The following WWOX variants were observed in gnomAD, a reference collection of about 807,000 sequenced individuals.
WWOX encodes WW domain-containing oxidoreductase.
Under a neutral mutation model 46.2 loss-of-function variants are expected in WWOX, and 69 were observed. The ratio of observed to expected loss-of-function variants is 1.49; its 90% CI spans 1.23 to 1.82. WWOX has a LOEUF of 1.82. WWOX is among the 40% of genes most tolerant of loss of function. WWOX has a pLI of 0.00. For synonymous variants in WWOX, 359 were observed against 202.6 expected (o/e 1.77, Z -6.56); for missense variants, 919 against 542.6 (o/e 1.69, Z -6.89).
chr16:78,676,435 C>G (rs1056313925), intron 8 of WWOX, among the ~76,000 whole-genome samples: 69 of 149,192 alleles, frequency 4.6e-4, no homozygotes, highest in African/African-American at 1.7e-3. Flanking sequence ...CTGGGAGTTC[C>G]TGTTGCAGAA....
In WWOX at chr16:78,206,376, T is replaced by C. The variant is rs369283516; in HGVS notation, c.516+42087T>C. ...CATTAGAAAGGAGGAGGAGAAGAAT[T>C]AGAAGGAAAAAAAAGGTAAAGGTAA... On this transcript the variant is annotated intron_variant, in intron 5 of 8. Coordinates refer to ENST00000566780, the MANE Select transcript of WWOX (RefSeq NM_016373.4). 9.9e-5 allele frequency among the ~76,000 whole-genome samples: 15 copies of C among 152,076 alleles called. No homozygotes were observed. In the East Asian group the frequency reaches 1.5e-3, roughly 16 times the overall value.
At chr16:78,250,620 A>G (rs1229926516) in intron 5 of WWOX, among the ~76,000 whole-genome samples, 1 of 152,206 alleles carries the variant, frequency 6.6e-6, no homozygotes, top group East Asian at 1.9e-4. Flanking sequence ...GAAGACACTC[A>G]GAGCCAACAG....
intron 5 of WWOX, among the ~76,000 whole-genome samples, chr16:78,332,345 G>A (rs1437806815): frequency 1.3e-5 from 2 of 152,162 alleles, no homozygotes; most frequent in African/African-American, 4.8e-5. Flanking sequence ...ACACCCCAGT[G>A]GATTATGAGT....
chr16:78,402,550 C>T lies in WWOX; in HGVS notation c.605+15602C>T, dbSNP rs374953182. On this transcript the variant is annotated intron_variant, in intron 6 of 8. Transcript: ENST00000566780. Reference sequence around the variant, plus strand: ...AAATTGGGGGCTTCAGCACTTCCCCCAAGCTCAACACCAACCCCCTTTCTG... The same window carrying T: ...AAATTGGGGGCTTCAGCACTTCCCCTAAGCTCAACACCAACCCCCTTTCTG... 3.3e-5 allele frequency among the ~76,000 whole-genome samples: 5 copies of T among 152,228 alleles called. No homozygotes were observed. In the East Asian group the frequency reaches 9.7e-4, roughly 29 times the overall value.
At chr16:78,655,509 C>T (rs1479197850) in intron 8 of WWOX, among the ~76,000 whole-genome samples, 1 of 152,144 alleles carries the variant, frequency 6.6e-6, no homozygotes, top group African/African-American at 2.4e-5. Context: ...CAAAAGATCT[C>T]TTGACAGGAA....
chr16:78,927,519 A>C (rs185475226), intron 8 of WWOX, among the ~76,000 whole-genome samples: 31 of 152,302 alleles, frequency 2.0e-4, no homozygotes, highest in African/African-American at 7.0e-4. Flanking sequence ...GCAGGTAGGC[A>C]CTCAATAGAT....
At chr16:78,324,144 G>T (rs868366469) in intron 5 of WWOX, among the ~76,000 whole-genome samples, 9 of 151,956 alleles carry the variant, frequency 5.9e-5, no homozygotes, top group African/African-American at 1.9e-4. Context: ...TTCCAAGACC[G>T]TGGCCTTTGT....
At chr16:78,732,114 G>GT (rs1567522327) in intron 8 of WWOX, among the ~76,000 whole-genome samples, 1 of 151,990 alleles carries the variant, frequency 6.6e-6, no homozygotes, top group East Asian at 1.9e-4. Flanking sequence ...TCCTCCTGCC[G>GT]TGGTCTCCAA....
intron 8 of WWOX, among the ~76,000 whole-genome samples, chr16:79,081,110 C>A (rs571655024): frequency 6.6e-6 from 1 of 152,040 alleles, no homozygotes; most frequent in Non-Finnish European, 1.5e-5. Context: ...TGTTTCCATC[C>A]CCTGTGTGGA....
intron 8 of WWOX, among the ~76,000 whole-genome samples, chr16:79,133,037 G>C (rs1001619669): frequency 6.6e-6 from 1 of 152,156 alleles, no homozygotes; most frequent in Admixed American, 6.6e-5. Flanking sequence ...TTCTGGCTTT[G>C]CATGAAGCTT....
intron 6 of WWOX, among the ~76,000 whole-genome samples, chr16:78,403,290 G>C (rs752103058): frequency 6.6e-6 from 1 of 152,154 alleles, no homozygotes; most frequent in Non-Finnish European, 1.5e-5. Flanking sequence ...ACTGTATAAA[G>C]TGTATTTAAA....
rs150084888 is a variant in WWOX, at chr16:78,606,666, T to C, written c.1056+173914T>C. 1.4e-3 allele frequency among the ~76,000 whole-genome samples: 206 copies of C among 149,676 alleles called. 1 individual carries two copies. Among genetic ancestry groups the C allele is most frequent in the African/African-American group, 4.8e-3 (195 of 40,714 alleles). ...GAATATGTGAACACATCCAGACAAA[T>C]GTGAAGCCAGCCCGATTAGGACGAC... On this transcript the variant is annotated intron_variant, in intron 8 of 8. Coordinates refer to ENST00000566780, the MANE Select transcript of WWOX (RefSeq NM_016373.4).
chr16:78,387,010 A>G, intron 6 of WWOX, 62 bp downstream of exon 6: 6 of 1,505,230 alleles, frequency 4.0e-6, no homozygotes, highest in Non-Finnish European at 5.6e-6. Context: ...TCTTTATCAG[A>G]TGAACACAAT....
Position 78,722,698 on chromosome 16 carries a change from G to GTT in WWOX, c.1056+289968_1056+289969dup, listed in dbSNP as rs56266240. On this transcript the variant is annotated intron_variant, in intron 8 of 8. Transcript: ENST00000566780. The stretch of plus-strand genomic sequence containing the variant: ...TTTAAAGGAACTGTAGTTTGTCTCT[G>GTT]TTTTTTTTTTTTTTTTTTTTTTTCC... Among the ~76,000 whole-genome samples, 650 of 116,230 alleles carry GTT rather than the reference G, an allele frequency of 5.6e-3. 6 individuals are homozygous for GTT. The highest frequency in any genetic ancestry group is 8.6e-3 in the Non-Finnish European group (499 of 57,700). The allele number at this position is 116,230 out of a possible 152,430, so 76.3% of individuals were successfully genotyped here.
intron 8 of WWOX, among the ~76,000 whole-genome samples, chr16:78,785,388 C>T (rs1251591471): frequency 6.6e-6 from 1 of 152,152 alleles, no homozygotes; most frequent in Non-Finnish European, 1.5e-5. Context: ...GTTTGAGGAC[C>T]CAAGGTGGTC....
At chr16:79,094,165 G>C (rs555810550) in intron 8 of WWOX, among the ~76,000 whole-genome samples, 4 of 151,766 alleles carry the variant, frequency 2.6e-5, no homozygotes, top group African/African-American at 9.7e-5. Flanking sequence ...ATGTAGGGTT[G>C]CTTGCAAAAG....
intron 5 of WWOX, among the ~76,000 whole-genome samples, chr16:78,188,737 C>G (rs1203557665): frequency 6.6e-6 from 1 of 152,022 alleles, no homozygotes; most frequent in Non-Finnish European, 1.5e-5. Context: ...TATTGACAGA[C>G]CCATGGGTGT....
At chr16:78,165,041 A>C (rs2034926627) in intron 5 of WWOX, among the ~76,000 whole-genome samples, 1 of 152,220 alleles carries the variant, frequency 6.6e-6, no homozygotes, top group African/African-American at 2.4e-5. Flanking sequence ...AGAGGTAGGC[A>C]CAAGCCTGGA....
At chr16:78,893,619 A>C (rs1163559149) in intron 8 of WWOX, among the ~76,000 whole-genome samples, 1 of 152,116 alleles carries the variant, frequency 6.6e-6, no homozygotes, top group Non-Finnish European at 1.5e-5. Context: ...TGCAGCCAAT[A>C]TTTCATGTAT....
Sources: gnomAD v4.1 joint callset for allele counts (sites outside exome capture counted in the v4.1 genomes callset) on GRCh38, gnomAD v4.1.1 for gene constraint, MANE v1.5 for transcripts, NCBI Gene and HGNC (gene_info 2026-07-23, HGNC 2026-07-21) for gene names.